MSH3: variants seen among roughly 807,000 people sequenced by gnomAD.
The protein encoded by MSH3 is mutS homolog 3.
In MSH3, 106 loss-of-function variants were observed where a neutral mutation model predicts 123.3. That is an observed-to-expected ratio of 0.86 (90% CI 0.73 to 1.01). MSH3 has a LOEUF of 1.01. Ranked by LOEUF, MSH3 falls within the 50% of genes least tolerant of loss-of-function variation. The pLI is 0.00. For missense variants in MSH3, 1,459 were observed against 1,347.6 expected, an observed-to-expected ratio of 1.08 and a Z score of -1.29; for synonymous variants, 515 against 481.4, an observed-to-expected ratio of 1.07 and a Z score of -0.91.
rs1018998814 is a variant in MSH3, at chr5:80,813,800, G to A, written c.2813+59G>A. Reference sequence around the variant, plus strand: ...GAAAATAAGTCAAGCCCACATTATCGCATGAATTTTCCTTTTGTGTACATA... The same window carrying A: ...GAAAATAAGTCAAGCCCACATTATCACATGAATTTTCCTTTTGTGTACATA... On this transcript the variant is annotated intron_variant, in intron 20 of 23. Coordinates refer to ENST00000265081, the MANE Select transcript of MSH3 (RefSeq NM_002439.5). 4.5e-5 allele frequency: 70 copies of A among 1,572,454 alleles called. No homozygotes were observed. In the Admixed American group the frequency reaches 6.8e-4, roughly 15 times the overall value.
chr5:80,762,790 T>TTTATC (rs1554072034), intron 13 of MSH3, among the ~76,000 whole-genome samples: 3 of 132,918 alleles, frequency 2.3e-5, no homozygotes, highest in Non-Finnish European at 5.0e-5. Context: ...TTTATTTTAT[T>TTTATC]TTATGTTATG....
chr5:80,721,952 T>C (rs1213690756), intron 8 of MSH3, among the ~76,000 whole-genome samples: 4 of 152,238 alleles, frequency 2.6e-5, no homozygotes, highest in African/African-American at 7.2e-5. Context: ...CACATTACTG[T>C]CTGTTGTCTT....
chr5:80,807,105 T>C lies in MSH3; in HGVS notation c.2656-6479T>C, dbSNP rs1051704346. On this transcript the variant is annotated intron_variant, in intron 19 of 23. Transcript: ENST00000265081. ...TACTCTGGAGACTGTGGCAGGAAGA[T>C]CTCTTGAGCCCAGAAGGTTGAGGCA... is the stretch of plus-strand genomic sequence containing the variant. 8.1e-5 allele frequency among the ~76,000 whole-genome samples: 12 copies of C among 147,470 alleles called. No individual in the cohort carries two copies. In the Admixed American group the frequency reaches 8.3e-4, roughly 10 times the overall value.
intron 20 of MSH3, among the ~76,000 whole-genome samples, chr5:80,850,380 A>G (rs964475036): frequency 1.6e-4 from 25 of 152,020 alleles, no homozygotes; most frequent in African/African-American, 6.0e-4. Flanking sequence ...CCTGGTACCA[A>G]TTTACTGTAT....
intron 10 of MSH3, among the ~76,000 whole-genome samples, chr5:80,736,853 C>T (rs1010436980): frequency 2.6e-5 from 4 of 152,120 alleles, no homozygotes; most frequent in African/African-American, 9.7e-5. Flanking sequence ...CTTGGATGCC[C>T]GGTTCCCCCT....
intron 19 of MSH3, among the ~76,000 whole-genome samples, chr5:80,794,878 C>G (rs369514708): frequency 6.6e-6 from 1 of 152,230 alleles, no homozygotes; most frequent in African/African-American, 2.4e-5. Flanking sequence ...GCTTCTGAAC[C>G]CTGAACCCTG....
chr5:80,728,491 A>T (rs921134436), intron 9 of MSH3, among the ~76,000 whole-genome samples: 14 of 152,124 alleles, frequency 9.2e-5, no homozygotes, highest in African/African-American at 3.1e-4. Context: ...TTAATACTCC[A>T]AAAGATGTTT....
intron 20 of MSH3, among the ~76,000 whole-genome samples, chr5:80,818,382 T>A (rs201586312): frequency 2.9e-4 from 4 of 13,744 alleles, no homozygotes; most frequent in African/African-American, 3.2e-4. Context: ...TTTTTTTTTT[T>A]AACAAATAAA....
intron 20 of MSH3, among the ~76,000 whole-genome samples, chr5:80,847,135 C>G (rs1421385575): frequency 6.6e-6 from 1 of 152,162 alleles, no homozygotes; most frequent in African/African-American, 2.4e-5. Flanking sequence ...CCTCAGCTCA[C>G]TGTAACCTCT....
At chr5:80,827,893 A>T (rs1464539754) in intron 20 of MSH3, among the ~76,000 whole-genome samples, 1 of 152,082 alleles carries the variant, frequency 6.6e-6, no homozygotes, top group East Asian at 1.9e-4. Flanking sequence ...CTATTTTTTT[A>T]AAAAAGACTT....
intron 20 of MSH3, among the ~76,000 whole-genome samples, chr5:80,849,967 C>T (rs1400026294): frequency 6.6e-6 from 1 of 152,134 alleles, no homozygotes; most frequent in Non-Finnish European, 1.5e-5. Context: ...AAACTGAGTG[C>T]CTTTAACAGC....
intron 16 of MSH3, among the ~76,000 whole-genome samples, chr5:80,777,637 AG>A: frequency 6.6e-6 from 1 of 152,322 alleles, no homozygotes; most frequent in South Asian, 2.1e-4. Flanking sequence ...TAAGATAGTT[AG>A]GGAAAGGTTC....
At chr5:80,724,964 C>T (rs1414287931) in intron 8 of MSH3, among the ~76,000 whole-genome samples, 1 of 152,058 alleles carries the variant, frequency 6.6e-6, no homozygotes, top group African/African-American at 2.4e-5. Flanking sequence ...CCTGTAATCC[C>T]AGCACTTTGG....
intron 16 of MSH3, among the ~76,000 whole-genome samples, chr5:80,778,401 C>T (rs1299361716): frequency 2.0e-5 from 3 of 152,096 alleles, no homozygotes; most frequent in Non-Finnish European, 4.4e-5. Flanking sequence ...ACCATATATG[C>T]TTCTGATCTT....
chr5:80,656,103 G>T (rs554149412), intron 1 of MSH3, among the ~76,000 whole-genome samples: 25 of 152,296 alleles, frequency 1.6e-4, no homozygotes, highest in African/African-American at 6.0e-4. Context: ...TGTAAGTAGG[G>T]TGATTCAAGT....
chr5:80,853,715 A>G (rs1337103106), intron 20 of MSH3, among the ~76,000 whole-genome samples: 1 of 152,170 alleles, frequency 6.6e-6, no homozygotes, highest in Admixed American at 6.6e-5. Flanking sequence ...TAATATCAGT[A>G]TGGAATCTTC....
At chr5:80,741,690 T>C (rs1466453600) in intron 11 of MSH3, 142 bp downstream of exon 11, 39 of 698,746 alleles carry the variant, frequency 5.6e-5, no homozygotes, top group Non-Finnish European at 5.2e-6. Flanking sequence ...TGTAGCTCTT[T>C]TTGGAGAATG....
At chr5:80,728,986 TAAAAA>T in intron 10 of MSH3, 21 bp downstream of exon 10, 1 of 1,292,060 alleles carries the variant, frequency 7.7e-7, no homozygotes, top group Non-Finnish European at 1.1e-6. Flanking sequence ...CCTCCAAAAT[TAAAAA>T]AAGGGGGAGC....
chr5:80,798,131 A>C (rs981053873), intron 19 of MSH3, among the ~76,000 whole-genome samples: 1 of 152,180 alleles, frequency 6.6e-6, no homozygotes, highest in African/African-American at 2.4e-5. Context: ...TCAAACGTGC[A>C]CAACAGGAAG....
Sources: gnomAD v4.1 joint callset for allele counts (sites outside exome capture counted in the v4.1 genomes callset) on GRCh38, gnomAD v4.1.1 for gene constraint, MANE v1.5 for transcripts, NCBI Gene and HGNC (gene_info 2026-07-23, HGNC 2026-07-21) for gene names.